The following NRG1 variants were observed in gnomAD, a reference collection of about 807,000 sequenced individuals.
The protein encoded by NRG1 is pro-neuregulin-1, membrane-bound isoform.
Under a neutral mutation model 63.8 loss-of-function variants are expected in NRG1, and 18 were observed. The ratio of observed to expected loss-of-function variants is 0.28; its 90% CI spans 0.19 to 0.42. The LOEUF (loss-of-function observed/expected upper bound fraction) is 0.42, where lower values mean the gene tolerates loss of function less well. Among genes scored for constraint, NRG1 ranks in the 10% least tolerant of loss-of-function variants. The probability of loss-of-function intolerance (pLI) is 1.00; values close to 1 mark genes in which losing one functional copy is unlikely to be tolerated. For missense variants in NRG1, 762 were observed against 814.7 expected (o/e 0.94, Z 0.79); for synonymous variants, 302 against 301.3 (o/e 1.00, Z -0.02).
intron 1 of NRG1, among the ~76,000 whole-genome samples, chr8:32,284,991 G>A (rs1853360496): frequency 6.6e-6 from 1 of 152,160 alleles, no homozygotes. Context: ...TGCACCTGAA[G>A]CACTTCCACA....
intron 5 of NRG1, among the ~76,000 whole-genome samples, chr8:32,719,851 G>A (rs1820181079): frequency 6.6e-6 from 1 of 151,844 alleles, no homozygotes; most frequent in Non-Finnish European, 1.5e-5. Flanking sequence ...ACTTAATTTA[G>A]TCCCTGTTGG....
intron 1 of NRG1, among the ~76,000 whole-genome samples, chr8:32,118,611 G>A (rs148701014): frequency 1.3e-4 from 20 of 152,244 alleles, no homozygotes; most frequent in African/African-American, 4.3e-4. Context: ...TCCTATGTGC[G>A]AGGAACTGTT....
intron 1 of NRG1, among the ~76,000 whole-genome samples, chr8:32,464,174 G>A (rs1050925678): frequency 1.3e-5 from 2 of 151,686 alleles, no homozygotes; most frequent in Admixed American, 6.6e-5. Context: ...GATTACAGGC[G>A]TGAGCCATCA....
At chr8:32,055,645 T>C (rs1822790052) in intron 1 of NRG1, among the ~76,000 whole-genome samples, 1 of 149,710 alleles carries the variant, frequency 6.7e-6, no homozygotes, top group African/African-American at 2.4e-5. Flanking sequence ...ACAAAGCCTA[T>C]AGGAAGGTAT....
At chr8:32,303,382 C>G (rs549356629) in intron 1 of NRG1, among the ~76,000 whole-genome samples, 12 of 151,868 alleles carry the variant, frequency 7.9e-5, no homozygotes, top group Non-Finnish European at 1.8e-4. Flanking sequence ...AAGAGTGCAT[C>G]TTAAAATGAC....
At chr8:32,484,747 T>C (rs1413025541) in intron 1 of NRG1, among the ~76,000 whole-genome samples, 5 of 152,236 alleles carry the variant, frequency 3.3e-5, no homozygotes, top group Non-Finnish European at 7.3e-5. Flanking sequence ...AACACATTTA[T>C]TTGTGACCTA....
chr8:31,956,367 C>A (rs1364468250), intron 1 of NRG1, among the ~76,000 whole-genome samples: 4 of 152,148 alleles, frequency 2.6e-5, no homozygotes, highest in Non-Finnish European at 5.9e-5. Context: ...CGGTAAATCA[C>A]AGCACTTTGG....
chr8:32,663,376 C>A (rs1274151288), intron 5 of NRG1, among the ~76,000 whole-genome samples: 1 of 152,142 alleles, frequency 6.6e-6, no homozygotes, highest in Non-Finnish European at 1.5e-5. Context: ...TGCTGACATG[C>A]ATGTATTCCT....
intron 5 of NRG1, among the ~76,000 whole-genome samples, chr8:32,629,082 T>C (rs1204272963): frequency 6.6e-6 from 1 of 152,162 alleles, no homozygotes; most frequent in Non-Finnish European, 1.5e-5. Context: ...AACTTTTGGG[T>C]AAATAGTGCA....
intron 1 of NRG1, among the ~76,000 whole-genome samples, chr8:32,201,726 T>A (rs1417134388): frequency 6.6e-6 from 1 of 152,168 alleles, no homozygotes; most frequent in African/African-American, 2.4e-5. Context: ...TCCCCATTTC[T>A]CCTACTTTAA....
At chr8:32,280,266 C>T (rs116381446) in intron 1 of NRG1, among the ~76,000 whole-genome samples, 2,249 of 152,314 alleles carry the variant, frequency 0.015, 50 homozygotes, top group African/African-American at 0.051. Flanking sequence ...GGAATACGCA[C>T]GCACACTTTC....
chr8:32,663,239 AC>A (rs1420931227), intron 5 of NRG1, among the ~76,000 whole-genome samples: 1 of 152,142 alleles, frequency 6.6e-6, no homozygotes, highest in Non-Finnish European at 1.5e-5. Context: ...CATCTTTTAA[AC>A]TTTATTTCAG....
At chr8:32,678,961 T>C (rs1037734337) in intron 5 of NRG1, among the ~76,000 whole-genome samples, 3 of 151,738 alleles carry the variant, frequency 2.0e-5, no homozygotes, top group African/African-American at 7.3e-5. Context: ...TTGGGTAGGA[T>C]GTAAGTTGAA....
intron 5 of NRG1, among the ~76,000 whole-genome samples, chr8:32,723,895 A>T (rs1821377870): frequency 6.6e-6 from 1 of 152,128 alleles, no homozygotes; most frequent in African/African-American, 2.4e-5. Context: ...AAATGATAAT[A>T]GTAGTCCCCC....
exon 1 of NRG1, chr8:31,639,399 G>A (rs1308163856): frequency 6.5e-7 from 1 of 1,534,860 alleles, no homozygotes. Context: ...AGCAGCATGG[G>A]GAAAGGACGC....
At chr8:31,850,184 TG>T (rs2129608894) in intron 1 of NRG1, among the ~76,000 whole-genome samples, 1 of 152,138 alleles carries the variant, frequency 6.6e-6, no homozygotes, top group African/African-American at 2.4e-5. Flanking sequence ...CTCTCCAAGC[TG>T]GGGGGCAGTC....
intron 1 of NRG1, among the ~76,000 whole-genome samples, chr8:31,681,842 A>C (rs942020257): frequency 3.3e-5 from 5 of 152,060 alleles, no homozygotes; most frequent in Non-Finnish European, 4.4e-5. Context: ...ATAGAGCAGA[A>C]AATAGAGTTC....
Position 32,087,671 on chromosome 8 carries a change from A to G in NRG1, c.37+448240A>G, listed in dbSNP as rs143454581. On this transcript the variant is annotated intron_variant, in intron 1 of 10. Coordinates refer to the NRG1 transcript ENST00000519301. ...TTTTTGGTAGAGACAGGGTTTCACC[A>G]TATTAGCCAGGCTGCTCTTGAACTT... 4.4e-3 allele frequency among the ~76,000 whole-genome samples: 668 copies of G among 151,938 alleles called. 2 individuals carry two copies. Among genetic ancestry groups the G allele is most frequent in the Non-Finnish European group, 7.0e-3 (478 of 67,962 alleles).
intron 1 of NRG1, among the ~76,000 whole-genome samples, chr8:31,673,007 T>C (rs1364697715): frequency 1.3e-5 from 2 of 151,838 alleles, no homozygotes; most frequent in Non-Finnish European, 2.9e-5. Context: ...GAAAATAATA[T>C]TACCACATTG....
Sources: allele counts gnomAD v4.1 joint callset (sites outside exome capture counted in the v4.1 genomes callset), GRCh38; gene constraint gnomAD v4.1.1; transcripts MANE v1.5; gene names NCBI Gene and HGNC (gene_info 2026-07-23, HGNC 2026-07-21).